KLHL12: variants seen among roughly 807,000 people sequenced by gnomAD.
KLHL12 encodes kelch-like protein 12.
A neutral mutation model predicts 60.8 loss-of-function variants in KLHL12; 17 were observed. That is an observed-to-expected ratio of 0.28 (90% confidence interval 0.19 to 0.42). The LOEUF (loss-of-function observed/expected upper bound fraction) is 0.42. KLHL12 is among the 10% of genes least tolerant of loss of function. KLHL12 has a pLI of 1.00. For synonymous variants in KLHL12, 220 were observed against 250.9 expected (o/e 0.88, Z 1.16); for missense variants, 468 against 722.3 (o/e 0.65, Z 4.04).
chr1:202,900,630 G>A (rs1048497160), intron 6 of KLHL12, among the ~76,000 whole-genome samples: 4 of 152,126 alleles, frequency 2.6e-5, no homozygotes, highest in Non-Finnish European at 5.9e-5. Context: ...TTGGGAGGCC[G>A]AGGCGGGTGG....
chr1:202,896,145 A>T (rs988363558), intron 7 of KLHL12, among the ~76,000 whole-genome samples: 1 of 152,190 alleles, frequency 6.6e-6, no homozygotes, highest in Non-Finnish European at 1.5e-5. Flanking sequence ...CTCAGAAATT[A>T]CTATTGTTCA....
rs1557986086 is a variant in KLHL12, at chr1:202,896,918, TG to T, written c.874del (p.Gln292SerfsTer8). ...VLLVVGGFGS[Q>X]QSPIDVVEKY... is the part of the protein sequence containing the mutation. Reference sequence around the variant, plus strand: ...CTCTACCACATCAATGGGAGACTGCTGGCTTCCAAAGCCCCCAACCACCAAA... The same window carrying T: ...CTCTACCACATCAATGGGAGACTGCTGCTTCCAAAGCCCCCAACCACCAAA... On this transcript the variant is annotated frameshift_variant, in exon 7 of 12. Coordinates refer to ENST00000367261, the MANE Select transcript of KLHL12 (RefSeq NM_021633.4). LOFTEE classifies it high-confidence loss of function. The T allele has an allele frequency of 1.2e-6, 2 of 1,614,084 alleles. No individual in the cohort carries two copies. Among genetic ancestry groups the T allele is most frequent in the Non-Finnish European group, 1.7e-6 (2 of 1,180,044 alleles).
intron 2 of KLHL12, among the ~76,000 whole-genome samples, chr1:202,923,276 G>A (rs185744873): frequency 1.6e-4 from 25 of 152,284 alleles, no homozygotes; most frequent in African/African-American, 5.5e-4. Context: ...GCAATCAGCC[G>A]TTCTAGTTCA....
chr1:202,920,838 C>T (rs1660674476), intron 2 of KLHL12, among the ~76,000 whole-genome samples: 1 of 152,078 alleles, frequency 6.6e-6, no homozygotes. Flanking sequence ...TATTAAAATA[C>T]AGATGTATTT....
At chr1:202,906,071 G>A (rs1448816611) in intron 6 of KLHL12, among the ~76,000 whole-genome samples, 2 of 142,086 alleles carry the variant, frequency 1.4e-5, no homozygotes, top group South Asian at 2.2e-4. Context: ...CACCCGCCTC[G>A]GCCTCCCAAA....
chr1:202,904,363 G>A (rs78520698), intron 6 of KLHL12, among the ~76,000 whole-genome samples: 1,702 of 104,466 alleles, frequency 0.016, 26 homozygotes, highest in African/African-American at 0.047. Context: ...TCATAATTTT[G>A]TATATGATTT....
At chr1:202,928,032 C>A (rs1653700846), upstream of KLHL12, among the ~76,000 whole-genome samples, 1 of 147,782 alleles carries the variant, frequency 6.8e-6, no homozygotes, top group Non-Finnish European at 1.5e-5. Context: ...GTAATCCCAG[C>A]ACTTTGGGAG....
chr1:202,897,282 C>T (rs1402342221), intron 6 of KLHL12, among the ~76,000 whole-genome samples: 1 of 126,088 alleles, frequency 7.9e-6, no homozygotes, highest in Non-Finnish European at 1.6e-5. Flanking sequence ...GTTGACCAGG[C>T]TAGAATGCAA....
rs567065072 is a variant in KLHL12 at position 202,892,419 on chromosome 1, C to T, written c.*114G>A. ...AGTACAATCATCACTGCACTGGTGC[C>T]TGTAATCACCCGGTGCACATAGTGA... On this transcript the variant is annotated 3_prime_UTR_variant, in exon 12 of 12. Coordinates refer to ENST00000367261, the MANE Select transcript of KLHL12 (RefSeq NM_021633.4). The T allele has an allele frequency of 7.5e-6, 9 of 1,192,292 alleles. No homozygotes were observed. In the South Asian group the frequency reaches 1.1e-4, roughly 15 times the overall value. 73.9% of individuals were successfully genotyped at this position (1,192,292 alleles called of 1,614,324 possible).
At chr1:202,897,000 T>A (rs199552913) in intron 6 of KLHL12, 40 bp from the exon 7 acceptor site, 1 of 1,459,162 alleles carries the variant, frequency 6.9e-7, no homozygotes, top group Non-Finnish European at 9.6e-7. Flanking sequence ...TAGTTCAGCA[T>A]CCCTGGATGG....
intron 6 of KLHL12, among the ~76,000 whole-genome samples, chr1:202,898,788 G>A (rs770344551): frequency 1.3e-5 from 2 of 151,980 alleles, no homozygotes; most frequent in African/African-American, 4.8e-5. Context: ...ATGAAATCAC[G>A]AGCAACGTGT....
At chr1:202,925,845 C>A (rs1166026746) in intron 1 of KLHL12, among the ~76,000 whole-genome samples, 2 of 152,156 alleles carry the variant, frequency 1.3e-5, no homozygotes, top group Non-Finnish European at 2.9e-5. Flanking sequence ...ACAGCTCACT[C>A]CTGTAATCCC....
chr1:202,927,368 T>G (rs1250577559), upstream of KLHL12: 1 of 707,168 alleles, frequency 1.4e-6, no homozygotes, highest in Non-Finnish European at 1.7e-6. Flanking sequence ...TTCTGTACGC[T>G]GCTAGGAAGC....
Position 202,895,680 on chromosome 1 carries a change from G to A in KLHL12, c.977C>T (p.Ser326Phe), listed in dbSNP as rs754879214. The A allele has an allele frequency of 6.2e-7, 1 of 1,614,180 alleles. No individual in the cohort carries two copies. Among genetic ancestry groups the A allele is most frequent in the South Asian group, 1.1e-5 (1 of 91,078 alleles). The change falls in exon 8 of 12, where the codon TCC becomes TTC. Residue 326 changes from serine (S) to phenylalanine (F), a missense_variant. This residue lies in a region of KLHL12 where 339 missense variants were observed against 525.0 expected (regional missense o/e 0.65). Transcript: ENST00000367261. The surrounding 1 kb of genome is among the most constrained non-coding windows in gnomAD (Gnocchi z 4.2). Reference protein sequence around the residue: ...TRKRRYVASVSLHDRIYVIGG... With the variant: ...TRKRRYVASVFLHDRIYVIGG... ...AATGACGTAGATCCGGTCATGAAGG[G>A]ACACTGAGGCCACATAACGTCTCTT...
chr1:202,897,019 T>A, intron 6 of KLHL12, 59 bp from the exon 7 acceptor site: 2 of 1,262,182 alleles, frequency 1.6e-6, no homozygotes, highest in South Asian at 2.4e-5. Context: ...GGGTAACTAG[T>A]CACAGGGAAG....
At chr1:202,924,858 TCA>T (rs77636922) in intron 2 of KLHL12, 108 bp downstream of exon 2, 326,830 of 1,331,418 alleles carry the variant, frequency 0.25, 44,142 homozygotes, top group East Asian at 0.57. Context: ...TGCCAAAACA[TCA>T]CACTGTAAAA....
chr1:202,914,898 A>AGCAGCAGGT (rs979760447), intron 4 of KLHL12: 5 of 152,164 alleles, frequency 3.3e-5, no homozygotes, highest in African/African-American at 1.2e-4. Flanking sequence ...AATCACATGA[A>AGCAGCAGGT]GCAGCAGGTG....
At chr1:202,920,866 A>C (rs1660675864) in intron 2 of KLHL12, among the ~76,000 whole-genome samples, 2 of 152,220 alleles carry the variant, frequency 1.3e-5, no homozygotes, top group African/African-American at 2.4e-5. Flanking sequence ...AGAATGCAAA[A>C]GTTCCATGAA....
intron 6 of KLHL12, among the ~76,000 whole-genome samples, chr1:202,904,146 A>T (rs1464048828): frequency 1.3e-5 from 2 of 152,104 alleles, no homozygotes; most frequent in Non-Finnish European, 1.5e-5. Flanking sequence ...CTGGGATTAC[A>T]GGCATGTGCC....
Sources: gnomAD v4.1 joint callset for allele counts (sites outside exome capture counted in the v4.1 genomes callset) on GRCh38, gnomAD v4.1.1 for gene constraint, gnomAD v4.1.1 regional missense constraint, Gnocchi (gnomAD v3.1) non-coding constraint, MANE v1.5 for transcripts, NCBI Gene and HGNC (gene_info 2026-07-23, HGNC 2026-07-21) for gene names.